Variants in ADK observed in about 807,000 individuals in gnomAD.
ADK encodes N6,N6-dimethyladenosine kinase.
ADK carries 24 observed loss-of-function variants against 44.7 expected under a neutral mutation model. The observed-to-expected ratio is 0.54, with a 90% confidence interval of 0.39 to 0.76. The LOEUF is 0.76. Among genes scored for constraint, ADK ranks in the 30% least tolerant of loss-of-function variants. ADK has a pLI of 0.00. For missense variants in ADK, 321 were observed against 425.1 expected (o/e 0.76, Z 2.15); for synonymous variants, 128 against 142.6 (o/e 0.90, Z 0.73).
chr10:74,453,639 C>T (rs1042872848), intron 6 of ADK, among the ~76,000 whole-genome samples: 2 of 151,916 alleles, frequency 1.3e-5, no homozygotes, highest in Non-Finnish European at 2.9e-5. Context: ...ATTTCCTTTC[C>T]TTCTCTTTTC....
chr10:74,703,224 G>A (rs1174196739), intron 10 of ADK, among the ~76,000 whole-genome samples: 1 of 152,178 alleles, frequency 6.6e-6, no homozygotes, highest in Non-Finnish European at 1.5e-5. Context: ...GCTCACACCT[G>A]TAATCCCAGC....
intron 6 of ADK, among the ~76,000 whole-genome samples, chr10:74,464,401 A>AT (rs952041579): frequency 6.6e-6 from 1 of 151,104 alleles, no homozygotes; most frequent in Non-Finnish European, 1.5e-5. Flanking sequence ...AAAAAAAAAA[A>AT]TTACCTGGAC....
chr10:74,221,742 A>G (rs1255250085), intron 2 of ADK, among the ~76,000 whole-genome samples: 2 of 145,970 alleles, frequency 1.4e-5, no homozygotes, highest in Non-Finnish European at 3.0e-5. Context: ...CTGATCTTTG[A>G]CAAACCTGAG....
chr10:74,633,977 A>G (rs773827400), intron 9 of ADK, among the ~76,000 whole-genome samples: 1 of 152,228 alleles, frequency 6.6e-6, no homozygotes, highest in Non-Finnish European at 1.5e-5. Context: ...TTCTACATAC[A>G]GACCTTATCC....
chr10:74,534,917 A>T (rs897132516), intron 7 of ADK, among the ~76,000 whole-genome samples: 1 of 152,210 alleles, frequency 6.6e-6, no homozygotes, highest in African/African-American at 2.4e-5. Context: ...AAACTTGGTG[A>T]AATTTGTGTT....
At chr10:74,201,586 T>A (rs1362126605) in intron 2 of ADK, among the ~76,000 whole-genome samples, 1 of 152,150 alleles carries the variant, frequency 6.6e-6, no homozygotes, top group Non-Finnish European at 1.5e-5. Flanking sequence ...TATCATAGTA[T>A]GATGTGTAGG....
chr10:74,290,995 C>T (rs973142961), intron 3 of ADK, among the ~76,000 whole-genome samples: 11 of 152,012 alleles, frequency 7.2e-5, no homozygotes, highest in African/African-American at 2.2e-4. Flanking sequence ...ATAATAAGTG[C>T]TATGGGAGAT....
intron 4 of ADK, among the ~76,000 whole-genome samples, chr10:74,329,597 T>TTGGA (rs1222926472): frequency 1.3e-5 from 2 of 152,182 alleles, no homozygotes; most frequent in South Asian, 2.1e-4. Context: ...AGAAGATTGG[T>TTGGA]TGGATGGATG....
At chr10:74,637,825 G>A (rs1853669929) in intron 9 of ADK, among the ~76,000 whole-genome samples, 1 of 152,170 alleles carries the variant, frequency 6.6e-6, no homozygotes, top group African/African-American at 2.4e-5. Context: ...AGGAAGGGGT[G>A]GGACCTTACA....
At chr10:74,169,045 G>A (rs1842100755) in intron 1 of ADK, among the ~76,000 whole-genome samples, 1 of 152,008 alleles carries the variant, frequency 6.6e-6, no homozygotes, top group South Asian at 2.1e-4. Context: ...GGGCAACATC[G>A]TGAGACCACA....
chr10:74,542,405 A>G (rs556706320), intron 7 of ADK, among the ~76,000 whole-genome samples: 1 of 152,374 alleles, frequency 6.6e-6, no homozygotes, highest in Non-Finnish European at 1.5e-5. Context: ...AAACAAATTT[A>G]CTAAGAGCTC....
intron 8 of ADK, among the ~76,000 whole-genome samples, chr10:74,592,297 G>A (rs990042132): frequency 1.3e-5 from 2 of 152,070 alleles, no homozygotes; most frequent in East Asian, 1.9e-4. Flanking sequence ...AGACTGGAGT[G>A]TGTTTTTAAA....
At chr10:74,208,196 G>T (rs1657839957) in intron 2 of ADK, among the ~76,000 whole-genome samples, 1 of 152,268 alleles carries the variant, frequency 6.6e-6, no homozygotes, top group Non-Finnish European at 1.5e-5. Context: ...CCCAGAGAGT[G>T]CAGGGATACC....
intron 4 of ADK, among the ~76,000 whole-genome samples, chr10:74,344,279 A>G (rs1841685143): frequency 6.6e-6 from 1 of 152,138 alleles, no homozygotes; most frequent in African/African-American, 2.4e-5. Context: ...AGAAGCAGCA[A>G]TTGCTTATTT....
At chr10:74,160,468 A>C (rs1016281934) in intron 1 of ADK, among the ~76,000 whole-genome samples, 2 of 152,214 alleles carry the variant, frequency 1.3e-5, no homozygotes, top group Non-Finnish European at 2.9e-5. Context: ...CTGCTGCTTC[A>C]ATAAAAGTTG....
chr10:74,694,848 T>A (rs1856117427), intron 10 of ADK, among the ~76,000 whole-genome samples: 1 of 152,200 alleles, frequency 6.6e-6, no homozygotes, highest in East Asian at 1.9e-4. Context: ...GTGTCTTATT[T>A]AAGAAATATT....
chr10:74,294,697 A>G (rs1051403818), intron 3 of ADK, among the ~76,000 whole-genome samples: 1 of 152,208 alleles, frequency 6.6e-6, no homozygotes, highest in Non-Finnish European at 1.5e-5. Flanking sequence ...GCAGTGGTAT[A>G]TCATTGTAGT....
intron 4 of ADK, among the ~76,000 whole-genome samples, chr10:74,330,300 T>C (rs1283096873): frequency 1.3e-5 from 2 of 152,156 alleles, no homozygotes; most frequent in African/African-American, 4.8e-5. Flanking sequence ...TAGTCCCTGC[T>C]ACTCAGGAGG....
intron 7 of ADK, 137 bp from the exon 8 acceptor site, chr10:74,589,145 T>A (rs1851629875): frequency 1.3e-6 from 1 of 750,396 alleles, no homozygotes; most frequent in African/African-American, 1.8e-5. Flanking sequence ...TTTATTGCTG[T>A]AAGAATAAAA....
Sources: allele counts gnomAD v4.1 joint callset (sites outside exome capture counted in the v4.1 genomes callset), GRCh38; gene constraint gnomAD v4.1.1; transcripts MANE v1.5; gene names NCBI Gene and HGNC (gene_info 2026-07-23, HGNC 2026-07-21).